Variants in NOTCH3 observed in about 807,000 individuals in gnomAD.
NOTCH3 encodes notch receptor 3.
A neutral mutation model predicts 213.3 loss-of-function variants in NOTCH3; 86 were observed. That is an observed-to-expected ratio of 0.40 (90% CI 0.34 to 0.48). The LOEUF is 0.48. Ranked by LOEUF, NOTCH3 falls within the 20% of genes least tolerant of loss-of-function variation. The pLI is 0.57. For missense variants in NOTCH3, 2,783 were observed against 3,272.6 expected, an observed-to-expected ratio of 0.85 and a Z score of 3.65; for synonymous variants, 1,354 against 1,355.9, an observed-to-expected ratio of 1.00 and a Z score of 0.03.
rs754939818 is a variant in NOTCH3 at position 15,179,516 on chromosome 19, GGACCCACTCAGCTTAGTGGGACACA to G, written c.3328-45_3328-21del. ...AAGACACTTCAGTGGGGTAAGAGAG[GGACCCACTCAGCTTAGTGGGACACA>G]GACCCACCTGGACATACCCATGAAG... On this transcript the variant is annotated intron_variant, in intron 20 of 32. Transcript: ENST00000263388. The G allele has an allele frequency of 1.2e-6, 2 of 1,613,258 alleles. No individual in the cohort carries two copies. The highest frequency in any genetic ancestry group is 1.7e-5 in the Admixed American group (1 of 59,968).
rs770647535 is a variant in NOTCH3, at chr19:15,185,666, G to A, written c.1965C>T (p.Asn655=). The A allele has an allele frequency of 5.1e-5, 82 of 1,613,166 alleles. 2 individuals are homozygous for A. The Admixed American group carries it at 7.2e-4, about 14-fold the overall frequency. ...TGGAAGCACACTCATTGATCTCCACGTTACAAAGGGGCCCTGGGGAGTACA... is the reference window on the plus strand; with the variant it reads ...TGGAAGCACACTCATTGATCTCCACATTACAAAGGGGCCCTGGGGAGTACA... ...CQPGFTGPLC[N]VEINECASSP... Residue 655 remains asparagine (N), a synonymous_variant, in exon 13 of 33, where the codon AAC becomes AAT. Transcript: ENST00000263388. The surrounding 1 kb of genome is among the most constrained non-coding windows in gnomAD (Gnocchi z 4.2).
In NOTCH3 at chr19:15,161,674, T is replaced by C. The variant is rs770169298; in HGVS notation, c.5954A>G (p.Tyr1985Cys). 37 of 1,613,778 alleles carry C rather than the reference T, an allele frequency of 2.3e-5. No homozygotes were observed. Among genetic ancestry groups the C allele is most frequent in the South Asian group, 3.3e-5 (3 of 91,038 alleles). ...PLFLAAREGS[Y>C]EAAKLLLDHF... ...GTCCAACAGCAGCTTGGCAGCCTCA[T>C]AGCTGCCCTCGCGGGCGGCCAGGAA... The change falls in exon 33 of 33, where the codon TAT (tyrosine) becomes TGT (cysteine). Residue 1985 changes from tyrosine (Y) to cysteine (C), a missense_variant. Tyr to Cys is a radical substitution (Grantham distance 194, BLOSUM62 -2). Transcript: ENST00000263388.
chr19:15,200,723 C>T (rs1411624156), intron 1 of NOTCH3, 65 bp downstream of exon 1: 2 of 1,167,198 alleles, frequency 1.7e-6, no homozygotes, highest in Non-Finnish European at 2.1e-6. Flanking sequence ...CCAGCCCCGG[C>T]CTTGGGGGTT....
chr19:15,163,332 C>A (rs1226578112), intron 31 of NOTCH3, among the ~76,000 whole-genome samples: 2 of 152,198 alleles, frequency 1.3e-5, no homozygotes, highest in African/African-American at 4.8e-5. Flanking sequence ...TGAAGTTGGA[C>A]CCCTACCTCA....
At chr19:15,187,674 A>T (rs905718496) in intron 10 of NOTCH3, among the ~76,000 whole-genome samples, 3 of 152,014 alleles carry the variant, frequency 2.0e-5, no homozygotes, top group African/African-American at 7.2e-5. Context: ...ATTCAGTTAC[A>T]GGCACCCTGT....
intron 31 of NOTCH3, among the ~76,000 whole-genome samples, chr19:15,163,093 T>C (rs868003572): frequency 1.3e-5 from 2 of 152,094 alleles, no homozygotes; most frequent in Non-Finnish European, 2.9e-5. Context: ...TTGATAGAGA[T>C]AGAGTTCCAC....
rs1426343929 is a variant in NOTCH3, at chr19:15,161,852, G to A, written c.5914-138C>T. On this transcript the variant is annotated intron_variant, in intron 32 of 32. Transcript: ENST00000263388. ...ACCTGGGTTAAATCCCGGCTGTGCT[G>A]GGGGAGCCTGGACAAGTTCTTTCCT... The A allele has an allele frequency of 8.5e-6, 6 of 707,884 alleles. No homozygotes were observed. The East Asian group carries it at 1.4e-4, about 16-fold the overall frequency. 43.9% of individuals were successfully genotyped at this position (707,884 alleles called of 1,614,324 possible).
intron 2 of NOTCH3, 38 bp downstream of exon 2, chr19:15,197,459 CACA>C: frequency 4.7e-6 from 6 of 1,272,422 alleles, no homozygotes; most frequent in Non-Finnish European, 6.8e-6. Flanking sequence ...CCCCCGCCCC[CACA>C]CACAGGGCCC....
At chr19:15,177,467 GACAA>G (rs2046801146) in intron 24 of NOTCH3, 54 bp downstream of exon 24, 3 of 1,516,738 alleles carry the variant, frequency 2.0e-6, no homozygotes, top group Non-Finnish European at 9.0e-7. Flanking sequence ...AGGGCCCACG[GACAA>G]ACAGACTGGG....
rs2046893762 is a variant in NOTCH3 at position 15,187,576 on chromosome 19, GC to G, written c.1607-239del. Among the ~76,000 whole-genome samples, 3 of 150,132 alleles carry G rather than the reference GC, an allele frequency of 2.0e-5. No homozygotes were observed. The Admixed American group carries it at 2.0e-4, about 10-fold the overall frequency. On this transcript the variant is annotated intron_variant, in intron 10 of 32. Coordinates refer to ENST00000263388, the MANE Select transcript of NOTCH3 (RefSeq NM_000435.3). ...CAGTTAAATCCCGCCCCCAGCTGTG[GC>G]CCCACCTCCAGCCCTGTTTCTGCCC...
chr19:15,170,849 C>G lies in NOTCH3; in HGVS notation c.4737-24G>C, dbSNP rs375515905. 5.0e-6 allele frequency: 8 copies of G among 1,611,778 alleles called. No homozygotes were observed. In the African/African-American group the frequency reaches 5.3e-5, roughly 11 times the overall value. On this transcript the variant is annotated intron_variant, in intron 25 of 32. Coordinates refer to ENST00000263388, the MANE Select transcript of NOTCH3 (RefSeq NM_000435.3). The stretch of plus-strand genomic sequence containing the variant: ...AGCTGCAGGGACAGCAGGGAGGGAC[C>G]AGAGGGCTCAAAAATTGCCCGATGC...
At chr19:15,196,793 A>G (rs1365554376) in intron 2 of NOTCH3, among the ~76,000 whole-genome samples, 1 of 152,162 alleles carries the variant, frequency 6.6e-6, no homozygotes, top group African/African-American at 2.4e-5. Context: ...GCAAAAACTG[A>G]GGCTCAAAAA....
Position 15,191,770 on chromosome 19 carries a change from G to C in NOTCH3, c.777C>G (p.Asn259Lys). 6.2e-7 allele frequency: 1 copy of C among 1,613,940 alleles called. No homozygotes were observed. The highest frequency in any genetic ancestry group is 8.5e-7 in the Non-Finnish European group (1 of 1,180,044). Residue 259 changes from asparagine to lysine, a missense_variant, in exon 5 of 33, where the codon AAC becomes AAG. Transcript: ENST00000263388. The stretch of plus-strand genomic sequence containing the variant: ...CTGTCCACTCAGGAGGGCACTGGCA[G>C]TTATAGGTGTTGACGCCATCCACGC... Reference protein sequence around the residue: ...GTCVDGVNTYNCQCPPEWTGQ... With the variant: ...GTCVDGVNTYKCQCPPEWTGQ...
At chr19:15,173,057 T>TTCCTCC (rs1568351224) in intron 25 of NOTCH3, among the ~76,000 whole-genome samples, 1 of 1,326 alleles carries the variant, frequency 7.5e-4, no homozygotes, top group Non-Finnish European at 1.5e-3. Flanking sequence ...CTCCTCCCTC[T>TTCCTCC]TCTTCTTCTT....
intron 31 of NOTCH3, among the ~76,000 whole-genome samples, chr19:15,164,222 AG>A (rs1568346846): frequency 8.6e-5 from 13 of 150,836 alleles, no homozygotes; most frequent in Non-Finnish European, 1.3e-4. Context: ...TCAATAAAGC[AG>A]TTTTTTGTTT....
intron 1 of NOTCH3, among the ~76,000 whole-genome samples, chr19:15,199,185 G>C (rs552718028): frequency 2.6e-5 from 4 of 152,186 alleles, no homozygotes; most frequent in Admixed American, 1.3e-4. Context: ...ATGTGGATTT[G>C]GGCATGCATC....
At chr19:15,183,742 C>T (rs557939166) in intron 16 of NOTCH3, among the ~76,000 whole-genome samples, 137 of 151,964 alleles carry the variant, frequency 9.0e-4, no homozygotes, top group Non-Finnish European at 1.8e-3. Context: ...GATATTAACT[C>T]GATTGCTCTC....
chr19:15,187,192 C>A lies in NOTCH3; in HGVS notation c.1753G>T (p.Glu585Ter). The A allele has an allele frequency of 6.2e-7, 1 of 1,614,082 alleles. No individual in the cohort carries two copies. Among genetic ancestry groups the A allele is most frequent in the Non-Finnish European group, 8.5e-7 (1 of 1,180,022 alleles). Reference protein sequence around the residue: ...TGTRCESQVDECRSQPCRHGG... With the variant: ...TGTRCESQVD ...TGGCGGCAGGGCTGGCTGCGGCATT[C>A]GTCCACCTGGCTCTCGCAGCGTGTG... Residue 585 changes from glutamate (E) to a stop codon, truncating the protein, a stop_gained, in exon 11 of 33, where the codon GAA becomes TAA. Coordinates refer to ENST00000263388, the MANE Select transcript of NOTCH3 (RefSeq NM_000435.3). LOFTEE classifies it high-confidence loss of function.
At chr19:15,181,235 G>C in intron 17 of NOTCH3, 73 bp from the exon 18 acceptor site, 2 of 1,350,832 alleles carry the variant, frequency 1.5e-6, no homozygotes, top group East Asian at 2.4e-5. Context: ...CCTGAGTCCC[G>C]CTGTTAGCGC....
Sources: allele counts gnomAD v4.1 joint callset (sites outside exome capture counted in the v4.1 genomes callset), GRCh38; gene constraint gnomAD v4.1.1; non-coding constraint Gnocchi (gnomAD v3.1); transcripts MANE v1.5; gene names NCBI Gene and HGNC (gene_info 2026-07-23, HGNC 2026-07-21).